EXOC1: variants seen among roughly 807,000 people sequenced by gnomAD.
The protein encoded by EXOC1 is SEC3-like 1.
EXOC1 carries 67 observed loss-of-function variants against 107.7 expected under a neutral mutation model. The ratio of observed to expected loss-of-function variants is 0.62; its 90% CI spans 0.51 to 0.76. The LOEUF (loss-of-function observed/expected upper bound fraction) is 0.76. Ranked by LOEUF, EXOC1 falls within the 30% of genes least tolerant of loss-of-function variation. The pLI is 0.00. For missense variants in EXOC1, 833 were observed against 1,055.7 expected, an observed-to-expected ratio of 0.79 and a Z score of 2.92; for synonymous variants, 348 against 353.5, an observed-to-expected ratio of 0.98 and a Z score of 0.17.
Position 55,904,320 on chromosome 4 carries a change from A to G in EXOC1, c.2533-23A>G, listed in dbSNP as rs912925396. The stretch of plus-strand genomic sequence containing the variant: ...ACATATTATTTCCATTCATAGCCTA[A>G]TGACTTTTTTTTTTAATAATAGGTG... On this transcript the variant is annotated intron_variant, in intron 18 of 18. Transcript: ENST00000381295. The G allele has an allele frequency of 3.8e-6, 6 of 1,570,478 alleles. No individual in the cohort carries two copies. In the Admixed American group the frequency reaches 5.6e-5, roughly 15 times the overall value.
intron 17 of EXOC1, 22 bp downstream of exon 17, chr4:55,899,906 A>AT (rs768711402): frequency 6.3e-7 from 1 of 1,587,450 alleles, no homozygotes; most frequent in Non-Finnish European, 8.6e-7. Flanking sequence ...TTCATTCAGT[A>AT]TTTTTCCTAC....
At chr4:55,875,871 C>T (rs1250102105) in intron 8 of EXOC1, 2 of 911,914 alleles carry the variant, frequency 2.2e-6, no homozygotes, top group African/African-American at 3.6e-5. Context: ...TTGGGGGCAA[C>T]CTGGGCAGCA....
At position 55,868,457 on chromosome 4, in the gene EXOC1, A is replaced by C. The variant is rs1356062153; in HGVS notation, c.537A>C (p.Glu179Asp). Residue 179 changes from glutamate to aspartate, a missense_variant, in exon 5 of 19, where the codon GAA becomes GAC. Transcript: ENST00000381295. Reference protein sequence around the residue: ...QDIEIMMEGCEYAISNAEAFA... With the variant: ...QDIEIMMEGCDYAISNAEAFA... ...TCGAAATAATGATGGAAGGCTGTGAATATGCAATCTCGAATGCGGAAGCCT... is the reference window on the plus strand; with the variant it reads ...TCGAAATAATGATGGAAGGCTGTGACTATGCAATCTCGAATGCGGAAGCCT... 2 of 1,613,836 alleles carry C rather than the reference A, an allele frequency of 1.2e-6. No homozygotes were observed. Among genetic ancestry groups the C allele is most frequent in the African/African-American group, 2.7e-5 (2 of 74,940 alleles).
intron 4 of EXOC1, 65 bp downstream of exon 4, chr4:55,864,451 A>G (rs368974771): frequency 4.6e-6 from 6 of 1,302,736 alleles, no homozygotes; most frequent in Non-Finnish European, 3.2e-6. Flanking sequence ...ATAATTTGAC[A>G]TCATTCAAAT....
In EXOC1 at chr4:55,891,451, A is replaced by G. The variant is rs28412638; in HGVS notation, c.1647+29A>G. ...TGGCTCACAGTGTATTTTGGATAGT[A>G]TTTATGATCTGTAATATAATTAGCT... On this transcript the variant is annotated intron_variant, in intron 13 of 18. Coordinates refer to ENST00000381295, the MANE Select transcript of EXOC1 (RefSeq NM_001024924.2). 1.4e-3 allele frequency: 1,978 copies of G among 1,400,394 alleles called. 21 individuals are homozygous for G. The African/African-American group carries it at 0.024, about 17-fold the overall frequency. The allele number at this position is 1,400,394 out of a possible 1,614,324, so 86.7% of individuals were successfully genotyped here.
chr4:55,868,839 A>G (rs568354443), intron 5 of EXOC1: 33 of 208,680 alleles, frequency 1.6e-4, no homozygotes, highest in African/African-American at 7.1e-4. Flanking sequence ...ATGTCTGAAT[A>G]GTTCAGTGCC....
chr4:55,867,570 A>C (rs1425611217), intron 4 of EXOC1, among the ~76,000 whole-genome samples: 26 of 152,006 alleles, frequency 1.7e-4, no homozygotes. Flanking sequence ...TCCTCAAAAA[A>C]AAAAAAAAAA....
Position 55,890,326 on chromosome 4 carries a change from G to A in EXOC1, c.1479G>A (p.Leu493=). 6.2e-7 allele frequency: 1 copy of A among 1,613,964 alleles called. No homozygotes were observed. ...GCAGATCTCAGTCATCTTCCCTGTT[G>A]GATATGGGAAACATGTCTGCCTCTG... The part of the protein sequence containing the change: ...GNRRSQSSSL[L]DMGNMSASDL... The change falls in exon 12 of 19, where the codon TTG becomes TTA. Residue 493 remains leucine, a synonymous_variant. Coordinates refer to ENST00000381295, the MANE Select transcript of EXOC1 (RefSeq NM_001024924.2).
At chr4:55,888,976 T>A in intron 11 of EXOC1, 44 bp downstream of exon 11, 3 of 1,592,462 alleles carry the variant, frequency 1.9e-6, no homozygotes, top group Non-Finnish European at 1.7e-6. Context: ...AATGCATGTT[T>A]GTTTAATGTC....
At chr4:55,889,731 T>A (rs1724296655) in intron 11 of EXOC1, among the ~76,000 whole-genome samples, 1 of 152,214 alleles carries the variant, frequency 6.6e-6, no homozygotes, top group South Asian at 2.1e-4. Context: ...TGATCAAGTA[T>A]GGGCAGTTTC....
rs1026372935 is a variant in EXOC1, at chr4:55,877,463, CT to C, written c.1075-446del. 1.8e-5 allele frequency: 18 copies of C among 984,902 alleles called. 1 individual carries two copies. The South Asian group carries it at 4.2e-4, about 23-fold the overall frequency. The allele number at this position is 984,902 out of a possible 1,614,324, so 61.0% of individuals were successfully genotyped here. On this transcript the variant is annotated intron_variant, in intron 8 of 18. Transcript: ENST00000381295. ...CCAAGCTCTAAGACTTTATATTCTA[CT>C]TTTTTTTATCTGTTGTTTTAAATAT...
At chr4:55,865,431 T>TA in intron 4 of EXOC1, among the ~76,000 whole-genome samples, 1 of 152,198 alleles carries the variant, frequency 6.6e-6, no homozygotes, top group East Asian at 1.9e-4. Flanking sequence ...GTGCTGGTCT[T>TA]ATGTAGGAAT....
At chr4:55,858,236 T>A (rs974176345) in intron 1 of EXOC1, 78 bp from the exon 2 acceptor site, 1 of 1,386,984 alleles carries the variant, frequency 7.2e-7, no homozygotes. Flanking sequence ...CAAAAATTAT[T>A]TTCAAATCAT....
At chr4:55,880,424 G>C (rs750750464) in intron 9 of EXOC1, among the ~76,000 whole-genome samples, 12 of 151,822 alleles carry the variant, frequency 7.9e-5, no homozygotes, top group Non-Finnish European at 1.8e-4. Flanking sequence ...CTCCACTGTT[G>C]TGTTATATTT....
intron 4 of EXOC1, among the ~76,000 whole-genome samples, chr4:55,865,793 G>T (rs1380935637): frequency 1.3e-5 from 2 of 151,518 alleles, no homozygotes; most frequent in African/African-American, 4.9e-5. Context: ...AGTGAGAAGA[G>T]TATTACTGTT....
intron 16 of EXOC1, among the ~76,000 whole-genome samples, chr4:55,899,442 A>G (rs1725631031): frequency 6.6e-6 from 1 of 152,098 alleles, no homozygotes; most frequent in Admixed American, 6.6e-5. Context: ...TCATTTCTCC[A>G]TTGATCTGAA....
intron 2 of EXOC1, among the ~76,000 whole-genome samples, chr4:55,859,825 G>A (rs1721310511): frequency 6.6e-6 from 1 of 152,100 alleles, no homozygotes; most frequent in South Asian, 2.1e-4. Flanking sequence ...TGTTAGTGTA[G>A]TATATAATTG....
rs1433596263 is a variant in EXOC1, at chr4:55,896,740, A to G, written c.1977A>G (p.Glu659=). The G allele has an allele frequency of 1.9e-6, 3 of 1,606,398 alleles. No individual in the cohort carries two copies. The African/African-American group carries it at 4.0e-5, about 22-fold the overall frequency. Residue 659 remains glutamate, a synonymous_variant, in exon 16 of 19, where the codon GAA becomes GAG. Transcript: ENST00000381295. The part of the protein sequence containing the change: ...KCISNQIRQM[E]EVKISKKSKV... ...AGAGTAACCAAATAAGGCAAATGGA[A>G]GAAGTAAAGATCTCAAAAAAGAGTA...
intron 1 of EXOC1, 132 bp from the exon 2 acceptor site, chr4:55,858,182 T>C (rs909506728): frequency 1.4e-6 from 1 of 691,346 alleles, no homozygotes; most frequent in Non-Finnish European, 2.2e-6. Flanking sequence ...TTTTGTGATA[T>C]AGGTGTATTC....
Sources: allele counts gnomAD v4.1 joint callset (sites outside exome capture counted in the v4.1 genomes callset), GRCh38; gene constraint gnomAD v4.1.1; transcripts MANE v1.5; gene names NCBI Gene and HGNC (gene_info 2026-07-23, HGNC 2026-07-21).